The following ST6GALNAC3 variants were observed in gnomAD, a reference collection of about 807,000 sequenced individuals.
ST6GALNAC3 encodes ST6 N-acetylgalactosaminide alpha-2,6-sialyltransferase 3, also known as alpha-N-acetylgalactosaminide alpha-2,6-sialyltransferase 3.
ST6GALNAC3 carries 25 observed loss-of-function variants against 32.7 expected under a neutral mutation model. The ratio of observed to expected loss-of-function variants is 0.76; its 90% CI spans 0.56 to 1.07. The LOEUF is 1.07. ST6GALNAC3 is among the 50% of genes least tolerant of loss of function. The probability of loss-of-function intolerance (pLI) is 0.00; values close to 1 mark genes in which losing one functional copy is unlikely to be tolerated. For synonymous variants in ST6GALNAC3, 129 were observed against 133.1 expected (o/e 0.97, Z 0.21); for missense variants, 355 against 382.4 (o/e 0.93, Z 0.60).
intron 1 of ST6GALNAC3, among the ~76,000 whole-genome samples, chr1:76,142,504 T>A (rs1410571058): frequency 6.6e-6 from 1 of 152,146 alleles, no homozygotes; most frequent in Non-Finnish European, 1.5e-5. Context: ...CTCCTTTTCA[T>A]GATAGGTGTG....
intron 1 of ST6GALNAC3, among the ~76,000 whole-genome samples, chr1:76,223,653 A>G (rs1655904746): frequency 6.6e-6 from 1 of 152,204 alleles, no homozygotes; most frequent in Non-Finnish European, 1.5e-5. Flanking sequence ...CAGTTGGTCA[A>G]AGTAGTTAAG....
intron 3 of ST6GALNAC3, among the ~76,000 whole-genome samples, chr1:76,565,493 T>C (rs1665499394): frequency 6.6e-6 from 1 of 152,142 alleles, no homozygotes; most frequent in Non-Finnish European, 1.5e-5. Context: ...CCGTTTTCTC[T>C]TCCTCTCTTG....
At chr1:76,330,421 G>A (rs542551489) in intron 2 of ST6GALNAC3, among the ~76,000 whole-genome samples, 3 of 152,334 alleles carry the variant, frequency 2.0e-5, no homozygotes, top group African/African-American at 7.2e-5. Context: ...CTCCCAAAGT[G>A]CTGGGATTAC....
chr1:76,206,090 G>A (rs1371217569), intron 1 of ST6GALNAC3, among the ~76,000 whole-genome samples: 1 of 152,114 alleles, frequency 6.6e-6, no homozygotes, highest in East Asian at 1.9e-4. Flanking sequence ...ATGGTCTTTG[G>A]ACCCAAGAAG....
chr1:76,525,876 A>C (rs2101806352), intron 3 of ST6GALNAC3, among the ~76,000 whole-genome samples: 1 of 140,934 alleles, frequency 7.1e-6, no homozygotes, highest in South Asian at 2.3e-4. Context: ...AGCTCCTCCA[A>C]ACACCAAATT....
chr1:76,426,040 T>A (rs1303239929), intron 3 of ST6GALNAC3, among the ~76,000 whole-genome samples: 4 of 151,926 alleles, frequency 2.6e-5, no homozygotes, highest in African/African-American at 9.7e-5. Flanking sequence ...TCAGGATTTC[T>A]GGAGTCCCTC....
intron 1 of ST6GALNAC3, among the ~76,000 whole-genome samples, chr1:76,146,939 G>C (rs1265470902): frequency 1.3e-5 from 2 of 151,954 alleles, no homozygotes; most frequent in African/African-American, 4.8e-5. Context: ...TCTCCTACAT[G>C]CTTCTCTCCA....
intron 1 of ST6GALNAC3, among the ~76,000 whole-genome samples, chr1:76,277,563 T>TAC (rs1417367464): frequency 9.0e-5 from 5 of 55,474 alleles, no homozygotes; most frequent in Non-Finnish European, 1.7e-4. Context: ...TATATATATA[T>TAC]ATATACACAC....
rs372524643 is a variant in ST6GALNAC3 at position 76,629,869 on chromosome 1, G to A, written c.*1063G>A. 19 of 984,706 alleles carry A rather than the reference G, an allele frequency of 1.9e-5. No homozygotes were observed. In the East Asian group the frequency reaches 1.3e-3, roughly 65 times the overall value. The allele number at this position is 984,706 out of a possible 1,614,324, so 61.0% of individuals were successfully genotyped here. A position where few individuals can be genotyped will look rare whatever the true frequency, so the allele number is the denominator to read the frequency against. On this transcript the variant is annotated 3_prime_UTR_variant, in exon 5 of 5. Coordinates refer to ENST00000328299, the MANE Select transcript of ST6GALNAC3 (RefSeq NM_152996.4). ...AAACATTACATTCTCATTGCCAAGT[G>A]CCAGCTGTTACACATGGAGAGGAAA...
At chr1:76,195,802 A>G (rs1654169859) in intron 1 of ST6GALNAC3, among the ~76,000 whole-genome samples, 1 of 152,244 alleles carries the variant, frequency 6.6e-6, no homozygotes, top group African/African-American at 2.4e-5. Context: ...TTCCATGAGC[A>G]TGAGTTCTAT....
intron 1 of ST6GALNAC3, among the ~76,000 whole-genome samples, chr1:76,202,698 G>A (rs1032714969): frequency 1.3e-5 from 2 of 152,184 alleles, no homozygotes; most frequent in African/African-American, 4.8e-5. Context: ...AATCTTGGAT[G>A]TTGAGTTCAA....
intron 3 of ST6GALNAC3, among the ~76,000 whole-genome samples, chr1:76,500,082 A>G (rs1661090383): frequency 6.6e-6 from 1 of 152,160 alleles, no homozygotes. Flanking sequence ...TGCTTTTAGA[A>G]TCATAAATGA....
intron 3 of ST6GALNAC3, among the ~76,000 whole-genome samples, chr1:76,412,833 A>G (rs947820687): frequency 2.0e-5 from 3 of 152,102 alleles, no homozygotes; most frequent in Non-Finnish European, 4.4e-5. Context: ...CTGAGACCAC[A>G]AACAGAACAG....
intron 3 of ST6GALNAC3, among the ~76,000 whole-genome samples, chr1:76,481,452 A>G (rs547097153): frequency 1.3e-5 from 2 of 152,188 alleles, no homozygotes; most frequent in Non-Finnish European, 2.9e-5. Context: ...AACTTTAAGT[A>G]GCAATTGGAT....
intron 3 of ST6GALNAC3, among the ~76,000 whole-genome samples, chr1:76,617,624 G>C (rs1326891628): frequency 6.6e-6 from 1 of 152,152 alleles, no homozygotes; most frequent in Non-Finnish European, 1.5e-5. Flanking sequence ...TGAGATCAAA[G>C]ATGGATTGTT....
chr1:76,489,604 G>T (rs1056144090), intron 3 of ST6GALNAC3, among the ~76,000 whole-genome samples: 23 of 152,120 alleles, frequency 1.5e-4, no homozygotes, highest in Non-Finnish European at 1.8e-4. Flanking sequence ...AATATGATTT[G>T]CAGTTCCATG....
intron 2 of ST6GALNAC3, among the ~76,000 whole-genome samples, chr1:76,323,279 T>C (rs1019877279): frequency 8.5e-5 from 13 of 152,192 alleles, no homozygotes; most frequent in African/African-American, 2.9e-4. Flanking sequence ...ATATAATGAC[T>C]AGAAATAAAT....
intron 3 of ST6GALNAC3, among the ~76,000 whole-genome samples, chr1:76,600,007 G>A (rs1407453907): frequency 6.6e-6 from 1 of 152,136 alleles, no homozygotes; most frequent in African/African-American, 2.4e-5. Context: ...CGGACTGAAT[G>A]TTTGTGTACC....
At chr1:76,457,307 C>A (rs1243819189) in intron 3 of ST6GALNAC3, among the ~76,000 whole-genome samples, 1 of 152,072 alleles carries the variant, frequency 6.6e-6, no homozygotes, top group Non-Finnish European at 1.5e-5. Context: ...CAATGCCATC[C>A]CCATCAAGCT....
Sources: allele counts gnomAD v4.1 joint callset (sites outside exome capture counted in the v4.1 genomes callset), GRCh38; gene constraint gnomAD v4.1.1; transcripts MANE v1.5; gene names NCBI Gene and HGNC (gene_info 2026-07-23, HGNC 2026-07-21).